The following ASCC3 variants were observed in gnomAD, a reference collection of about 807,000 sequenced individuals.
The protein encoded by ASCC3 is ASC-1 complex subunit P200.
In ASCC3, 158 loss-of-function variants were observed where a neutral mutation model predicts 256.3. The ratio of observed to expected loss-of-function variants is 0.62; its 90% CI spans 0.54 to 0.70. The LOEUF (loss-of-function observed/expected upper bound fraction) is 0.70, where lower values mean the gene tolerates loss of function less well. ASCC3 is among the 30% of genes least tolerant of loss of function. The pLI is 0.00. For missense variants in ASCC3, 2,259 were observed against 2,626.0 expected, an observed-to-expected ratio of 0.86 and a Z score of 3.05; for synonymous variants, 948 against 883.4, an observed-to-expected ratio of 1.07 and a Z score of -1.30.
intron 8 of ASCC3, among the ~76,000 whole-genome samples, chr6:100,778,455 G>C (rs1370832911): frequency 6.6e-6 from 1 of 151,952 alleles, no homozygotes. Context: ...TGGATTCTTC[G>C]AGGAATAAAG....
chr6:100,807,555 T>C (rs1770252043), intron 4 of ASCC3, among the ~76,000 whole-genome samples: 1 of 151,912 alleles, frequency 6.6e-6, no homozygotes, highest in Non-Finnish European at 1.5e-5. Flanking sequence ...GTGACATTTG[T>C]ACTGATGGTG....
At chr6:100,734,682 T>C (rs1191407638) in intron 10 of ASCC3, among the ~76,000 whole-genome samples, 1 of 152,178 alleles carries the variant, frequency 6.6e-6, no homozygotes, top group Non-Finnish European at 1.5e-5. Flanking sequence ...TGTACCACCA[T>C]CACTACTACC....
intron 11 of ASCC3, among the ~76,000 whole-genome samples, chr6:100,719,396 A>C (rs1779220179): frequency 6.6e-6 from 1 of 152,116 alleles, no homozygotes; most frequent in Admixed American, 6.6e-5. Context: ...CCACAGTTCT[A>C]TGTAGTACTA....
intron 2 of ASCC3, among the ~76,000 whole-genome samples, chr6:100,867,227 A>G (rs181903967): frequency 1.2e-3 from 183 of 152,296 alleles, no homozygotes; most frequent in African/African-American, 4.3e-3. Context: ...GAAGGGTAAC[A>G]TTAGCATTAT....
intron 32 of ASCC3, among the ~76,000 whole-genome samples, chr6:100,606,009 T>G (rs893701833): frequency 6.6e-6 from 1 of 151,996 alleles, no homozygotes; most frequent in Non-Finnish European, 1.5e-5. Flanking sequence ...TGCTGTTTAA[T>G]AGATATTATT....
At chr6:100,730,828 T>A (rs562348929) in intron 10 of ASCC3, among the ~76,000 whole-genome samples, 5 of 152,270 alleles carry the variant, frequency 3.3e-5, no homozygotes, top group Non-Finnish European at 5.9e-5. Flanking sequence ...TCTTCAACAT[T>A]TTTTATGTTC....
At chr6:100,872,201 A>C (rs762363594) in intron 1 of ASCC3, among the ~76,000 whole-genome samples, 1 of 152,146 alleles carries the variant, frequency 6.6e-6, no homozygotes, top group South Asian at 2.1e-4. Context: ...TTACAAATTA[A>C]TGGGGTACTT....
chr6:100,551,350 T>C (rs1319218285), intron 36 of ASCC3, among the ~76,000 whole-genome samples: 5 of 151,772 alleles, frequency 3.3e-5, no homozygotes, highest in African/African-American at 4.8e-5. Flanking sequence ...TGGACAAATA[T>C]AATGAGGAAG....
chr6:100,610,172 C>A (rs546477009), intron 30 of ASCC3, among the ~76,000 whole-genome samples: 3 of 152,192 alleles, frequency 2.0e-5, no homozygotes, highest in African/African-American at 7.2e-5. Flanking sequence ...CTTTTATATG[C>A]CTGAGATAGA....
intron 13 of ASCC3, among the ~76,000 whole-genome samples, chr6:100,697,239 T>TA (rs937659472): frequency 5.7e-4 from 84 of 148,512 alleles, no homozygotes; most frequent in South Asian, 4.3e-3. Context: ...AGTGCTATGG[T>TA]AAAAAAAAAA....
chr6:100,828,092 T>A (rs1162360916), intron 4 of ASCC3, among the ~76,000 whole-genome samples: 148 of 125,282 alleles, frequency 1.2e-3, no homozygotes, highest in Middle Eastern at 4.9e-3. Flanking sequence ...CAGTATTTTC[T>A]AAAAAAAAAA....
At position 100,718,195 on chromosome 6, in the gene ASCC3, G is replaced by A. The variant is rs776561757; in HGVS notation, c.1959C>T (p.Asn653=). ...RILGLSATLP[N]YLDVATFLHV... ...GTAAAAATGTGGCAACATCGAGGTA[G>A]TTAGGTAAAGTTGCAGACAGTCCGA... is the stretch of plus-strand genomic sequence containing the variant. The change falls in exon 12 of 42, where the codon AAC becomes AAT. Residue 653 remains asparagine, a synonymous_variant. Coordinates refer to ENST00000369162, the MANE Select transcript of ASCC3 (RefSeq NM_006828.4). 16 of 1,613,278 alleles carry A rather than the reference G, an allele frequency of 9.9e-6. No individual in the cohort carries two copies. The East Asian group carries it at 3.6e-4, about 36-fold the overall frequency.
chr6:100,729,311 T>C (rs1562255804), intron 10 of ASCC3, among the ~76,000 whole-genome samples: 1 of 152,120 alleles, frequency 6.6e-6, no homozygotes. Flanking sequence ...AATGTGTGTG[T>C]GAACAGAGAA....
chr6:100,695,727 C>G (rs980993237), intron 13 of ASCC3, among the ~76,000 whole-genome samples: 1 of 152,266 alleles, frequency 6.6e-6, no homozygotes, highest in South Asian at 2.1e-4. Flanking sequence ...TCCTCTCTTT[C>G]TCTCTCCAGA....
At chr6:100,595,004 C>G (rs1772211524) in intron 34 of ASCC3, among the ~76,000 whole-genome samples, 2 of 151,862 alleles carry the variant, frequency 1.3e-5, no homozygotes, top group Non-Finnish European at 2.9e-5. Context: ...AAGTTAAACT[C>G]ATAGAAGTAG....
At chr6:100,715,235 G>T (rs1371060434) in intron 13 of ASCC3, 4 of 397,532 alleles carry the variant, frequency 1.0e-5, no homozygotes, top group African/African-American at 2.1e-5. Flanking sequence ...ATTAAAAATG[G>T]CAAACAAAAT....
At chr6:100,750,846 A>C (rs1200796088) in intron 10 of ASCC3, among the ~76,000 whole-genome samples, 1 of 152,014 alleles carries the variant, frequency 6.6e-6, no homozygotes, top group Non-Finnish European at 1.5e-5. Context: ...TGACCACTCA[A>C]GTGTGTAGAA....
In ASCC3 at chr6:100,759,594, C is replaced by G. The variant is rs547066965; in HGVS notation, c.1737+6971G>C. 1.0e-3 allele frequency among the ~76,000 whole-genome samples: 153 copies of G among 152,082 alleles called. 1 individual carries two copies. The highest frequency in any genetic ancestry group is 3.5e-3 in the African/African-American group (144 of 41,528). On this transcript the variant is annotated intron_variant, in intron 10 of 41. Coordinates refer to ENST00000369162, the MANE Select transcript of ASCC3 (RefSeq NM_006828.4). Reference sequence around the variant, plus strand: ...TAGTTTGAAGTCAGGTAGCATGATGCCTCCAGCTTTGTTCTTTTTGCTTAG... The same window carrying G: ...TAGTTTGAAGTCAGGTAGCATGATGGCTCCAGCTTTGTTCTTTTTGCTTAG...
At chr6:100,774,902 GGA>G (rs1159167586) in intron 8 of ASCC3, among the ~76,000 whole-genome samples, 1 of 152,130 alleles carries the variant, frequency 6.6e-6, no homozygotes, top group African/African-American at 2.4e-5. Flanking sequence ...GGTATGTGAG[GGA>G]GAGACAGTCA....
Sources: allele counts gnomAD v4.1 joint callset (sites outside exome capture counted in the v4.1 genomes callset), GRCh38; gene constraint gnomAD v4.1.1; transcripts MANE v1.5; gene names NCBI Gene and HGNC (gene_info 2026-07-23, HGNC 2026-07-21).